Variants in FHIT observed in about 807,000 individuals in gnomAD.
The protein encoded by FHIT is fragile histidine triad diadenosine triphosphatase.
A neutral mutation model predicts 17.9 loss-of-function variants in FHIT; 19 were observed. The ratio of observed to expected loss-of-function variants is 1.06; its 90% confidence interval spans 0.74 to 1.56. FHIT has a LOEUF of 1.56. Ranked by LOEUF, FHIT falls within the 40% of genes most tolerant of loss-of-function variation. The pLI, the probability that FHIT is intolerant of heterozygous loss-of-function variation, is 0.00. For synonymous variants in FHIT, 81 were observed against 69.7 expected (o/e 1.16, Z -0.81); for missense variants, 248 against 189.2 (o/e 1.31, Z -1.82).
At chr3:60,333,014 A>C (rs776116131) in intron 5 of FHIT, among the ~76,000 whole-genome samples, 2 of 152,226 alleles carry the variant, frequency 1.3e-5, no homozygotes, top group Non-Finnish European at 2.9e-5. Context: ...CAAGGTAATA[A>C]AGTATAAATG....
chr3:60,742,426 C>T (rs989993125), intron 4 of FHIT, among the ~76,000 whole-genome samples: 7 of 152,176 alleles, frequency 4.6e-5, no homozygotes, highest in Non-Finnish European at 7.3e-5. Context: ...CTATATTCTT[C>T]ATTCCTACTG....
chr3:60,333,048 C>G (rs1356371412), intron 5 of FHIT, among the ~76,000 whole-genome samples: 1 of 152,174 alleles, frequency 6.6e-6, no homozygotes, highest in Admixed American at 6.5e-5. Flanking sequence ...AGCTAATAAA[C>G]TGAAATGAAG....
chr3:60,247,418 A>G (rs1036806369), intron 5 of FHIT, among the ~76,000 whole-genome samples: 4 of 147,948 alleles, frequency 2.7e-5, no homozygotes, highest in African/African-American at 7.4e-5. Context: ...AGAAGAAGGA[A>G]GAAGATGATG....
intron 8 of FHIT, among the ~76,000 whole-genome samples, chr3:59,837,687 C>T (rs901198887): frequency 2.0e-4 from 31 of 152,134 alleles, no homozygotes; most frequent in African/African-American, 6.5e-4. Flanking sequence ...TATGTGGATA[C>T]GTTTTTCTAT....
intron 5 of FHIT, among the ~76,000 whole-genome samples, chr3:60,265,591 T>G (rs990148576): frequency 6.6e-6 from 1 of 151,804 alleles, no homozygotes; most frequent in African/African-American, 2.4e-5. Flanking sequence ...TTCATCAAAA[T>G]GTAAAAGTTT....
At chr3:61,163,416 A>G (rs562991783) in intron 2 of FHIT, among the ~76,000 whole-genome samples, 1 of 152,350 alleles carries the variant, frequency 6.6e-6, no homozygotes, top group East Asian at 1.9e-4. Flanking sequence ...TGTCTGGCAC[A>G]CAGAAGGCTG....
chr3:59,758,501 A>T (rs747903253), intron 8 of FHIT, among the ~76,000 whole-genome samples: 1 of 152,186 alleles, frequency 6.6e-6, no homozygotes, highest in Non-Finnish European at 1.5e-5. Flanking sequence ...TTTGAATCTT[A>T]CTGAGAGAAA....
chr3:59,857,629 A>G (rs1000279456), intron 8 of FHIT, among the ~76,000 whole-genome samples: 4 of 151,240 alleles, frequency 2.6e-5, no homozygotes, highest in African/African-American at 9.7e-5. Context: ...AGTTTGTCCT[A>G]TGAGCGTGGA....
intron 3 of FHIT, among the ~76,000 whole-genome samples, chr3:61,035,179 T>G (rs1402999821): frequency 2.0e-5 from 3 of 152,188 alleles, no homozygotes; most frequent in Non-Finnish European, 4.4e-5. Context: ...AGTTTTATTT[T>G]AGAAGGATGG....
chr3:61,245,669 CA>C (rs2040472070), intron 1 of FHIT, among the ~76,000 whole-genome samples: 1 of 152,190 alleles, frequency 6.6e-6, no homozygotes, highest in Non-Finnish European at 1.5e-5. Flanking sequence ...ATCCATAATG[CA>C]TCCATACTTT....
At chr3:60,801,434 C>T (rs1701182657) in intron 4 of FHIT, among the ~76,000 whole-genome samples, 1 of 152,210 alleles carries the variant, frequency 6.6e-6, no homozygotes, top group African/African-American at 2.4e-5. Context: ...GTCCAATCCA[C>T]TAACTACTTG....
At chr3:60,381,678 A>C (rs555059545) in intron 5 of FHIT, among the ~76,000 whole-genome samples, 7 of 152,330 alleles carry the variant, frequency 4.6e-5, no homozygotes, top group Admixed American at 6.5e-5. Context: ...AAGCTTCTGT[A>C]AATCAGGCTT....
chr3:61,228,207 G>C (rs973460109), intron 1 of FHIT, among the ~76,000 whole-genome samples: 1 of 151,786 alleles, frequency 6.6e-6, no homozygotes, highest in Non-Finnish European at 1.5e-5. Context: ...GTGCAAGAAG[G>C]GTTTTCTGAC....
At chr3:61,120,365 T>C (rs2036421263) in intron 2 of FHIT, among the ~76,000 whole-genome samples, 1 of 152,238 alleles carries the variant, frequency 6.6e-6, no homozygotes, top group South Asian at 2.1e-4. Context: ...AATCTTTTTA[T>C]ATTAGATGGT....
chr3:60,061,230 C>A (rs1256821829), intron 5 of FHIT, among the ~76,000 whole-genome samples: 1 of 152,202 alleles, frequency 6.6e-6, no homozygotes, highest in Non-Finnish European at 1.5e-5. Context: ...TCCATAGGTG[C>A]CACACAGCGA....
intron 3 of FHIT, among the ~76,000 whole-genome samples, chr3:60,919,376 A>G (rs1427108633): frequency 2.0e-5 from 3 of 151,260 alleles, no homozygotes; most frequent in African/African-American, 7.4e-5. Flanking sequence ...TATGTGAATT[A>G]CAAAAGCACA....
intron 4 of FHIT, among the ~76,000 whole-genome samples, chr3:60,803,580 A>C (rs782124688): frequency 1.3e-5 from 2 of 152,132 alleles, no homozygotes; most frequent in Non-Finnish European, 2.9e-5. Context: ...AAAGTTACTG[A>C]ATGGGTGGCT....
At chr3:60,112,582 G>T (rs2361337) in intron 5 of FHIT, among the ~76,000 whole-genome samples, 2 of 152,182 alleles carry the variant, frequency 1.3e-5, no homozygotes, top group African/African-American at 2.4e-5. Context: ...GCCTCCACAT[G>T]GCTTTCACCT....
intron 5 of FHIT, among the ~76,000 whole-genome samples, chr3:60,165,528 A>C (rs1378067533): frequency 2.6e-5 from 4 of 152,188 alleles, no homozygotes. Context: ...GTTATGGGTG[A>C]GCATTATTTA....
Sources: gnomAD v4.1 joint callset for allele counts (sites outside exome capture counted in the v4.1 genomes callset) on GRCh38, gnomAD v4.1.1 for gene constraint, MANE v1.5 for transcripts, NCBI Gene and HGNC (gene_info 2026-07-23, HGNC 2026-07-21) for gene names.